The following FADS6 variants were observed in gnomAD, a reference collection of about 807,000 sequenced individuals.
The protein encoded by FADS6 is fatty acid desaturase 6.
Under a neutral mutation model 31.7 loss-of-function variants are expected in FADS6, and 28 were observed. The ratio of observed to expected loss-of-function variants is 0.88; its 90% CI spans 0.66 to 1.21. FADS6 has a LOEUF of 1.21. Ranked by LOEUF, FADS6 falls within the 50% of genes most tolerant of loss-of-function variation. The pLI is 0.00. For missense variants in FADS6, 494 were observed against 504.2 expected (o/e 0.98, Z 0.19); for synonymous variants, 191 against 213.1 (o/e 0.90, Z 0.90).
chr17:74,881,236 C>G lies in FADS6; in HGVS notation c.612G>C (p.Glu204Asp). The G allele has an allele frequency of 6.3e-7, 1 of 1,599,438 alleles. No homozygotes were observed. Among genetic ancestry groups the G allele is most frequent in the Non-Finnish European group, 8.5e-7 (1 of 1,173,542 alleles). Residue 204 changes from glutamate (E) to aspartate (D), a missense_variant, in exon 4 of 6, where the codon GAG becomes GAC. Physicochemically the swap from Glu to Asp is conservative, Grantham distance 45 (BLOSUM62 2). This residue lies in a region of FADS6 where 454 missense variants were observed against 438.5 expected (regional missense o/e 1.04). Transcript: ENST00000612771. ...LVAVERLRKV[E>D]LGTALRTLAL... is the part of the protein sequence containing the mutation. ...CCAGCGTCCGCAGGGCTGTCCCGAG[C>G]TCCACCTTCCTCAGCCGCTCTGCCA...
downstream of FADS6, among the ~76,000 whole-genome samples, chr17:74,876,658 A>C (rs918291548): frequency 1.3e-5 from 2 of 152,150 alleles, no homozygotes; most frequent in African/African-American, 4.8e-5. Context: ...TTAGCCAGGC[A>C]TGGTGGCAGG....
chr17:74,877,951 C>G lies in FADS6; in HGVS notation c.*380G>C. On this transcript the variant is annotated 3_prime_UTR_variant, in exon 6 of 6. Coordinates refer to ENST00000612771, the MANE Select transcript of FADS6 (RefSeq NM_178128.6). ...GGGAGCTGACCCTGTTCTCTCTGTGCCCCCTGCTATCTCCCAGGTGGCCCC... is the reference window on the plus strand; with the variant it reads ...GGGAGCTGACCCTGTTCTCTCTGTGGCCCCTGCTATCTCCCAGGTGGCCCC... The G allele has an allele frequency of 2.0e-6, 2 of 1,006,068 alleles. No individual in the cohort carries two copies. The highest frequency in any genetic ancestry group is 2.4e-6 in the Non-Finnish European group (2 of 843,790). The allele number at this position is 1,006,068 out of a possible 1,614,324, so 62.3% of individuals were successfully genotyped here.
chr17:74,893,493 G>A lies in FADS6; in HGVS notation c.103C>T (p.Arg35Trp), dbSNP rs1244933354. 23 of 1,488,098 alleles carry A rather than the reference G, an allele frequency of 1.5e-5. No homozygotes were observed. The highest frequency in any genetic ancestry group is 2.0e-5 in the Non-Finnish European group (23 of 1,122,304). 92.2% of individuals were successfully genotyped at this position (1,488,098 alleles called of 1,614,324 possible). Residue 35 changes from arginine to tryptophan, a missense_variant, in exon 1 of 6, where the codon CGG (arginine) becomes TGG (tryptophan). Transcript: ENST00000612771. ...GCCTCGCCCCCACGGTGCGCGCTCC[G>A]CGCCGGTTCCATGGGCTCCGTAGGT... ...MEPTEPMEPA[R>W]SAHRGGEALL...
intron 2 of FADS6, among the ~76,000 whole-genome samples, chr17:74,891,281 A>G (rs1301098308): frequency 6.6e-6 from 1 of 151,590 alleles, no homozygotes. Flanking sequence ...CAGGCGATCC[A>G]CCTGCCTCGG....
intron 1 of FADS6, 126 bp downstream of exon 1, chr17:74,893,226 C>T (rs1481830424): frequency 1.8e-6 from 2 of 1,122,384 alleles, no homozygotes; most frequent in Non-Finnish European, 2.4e-6. Flanking sequence ...CGCCTCCCTG[C>T]CGCCGCCAGT....
chr17:74,886,074 C>T (rs1316073632), intron 2 of FADS6, among the ~76,000 whole-genome samples: 6 of 151,942 alleles, frequency 3.9e-5, no homozygotes, highest in Non-Finnish European at 8.8e-5. Context: ...CCCGTTTCTA[C>T]TAAAAATACA....
Position 74,877,658 on chromosome 17 carries a change from CTG to C in FADS6, c.*671_*672del. The C allele has an allele frequency of 2.0e-6, 2 of 981,548 alleles. No homozygotes were observed. Among genetic ancestry groups the C allele is most frequent in the South Asian group, 9.4e-5 (2 of 21,220 alleles). 60.8% of individuals were successfully genotyped at this position (981,548 alleles called of 1,614,324 possible). ...GGCTATTTATACTCTTTCCCTAACTCTGTCCCTGGGGAACCTTCTCCCCTCAC... is the reference window on the plus strand; with the variant it reads ...GGCTATTTATACTCTTTCCCTAACTCTCCCTGGGGAACCTTCTCCCCTCAC... On this transcript the variant is annotated 3_prime_UTR_variant, in exon 6 of 6. Transcript: ENST00000612771.
downstream of FADS6, among the ~76,000 whole-genome samples, chr17:74,874,922 T>G (rs370804932): frequency 4.6e-5 from 7 of 152,154 alleles, no homozygotes; most frequent in East Asian, 3.8e-4. Context: ...CCCCAGATAT[T>G]TACTATCTGG....
rs1182463437 is a variant in FADS6 at position 74,878,452 on chromosome 17, A to G, written c.986T>C (p.Leu329Pro). ...LKVKPVVSQF[L>P]REKQLPYNED... ...GTTGTACGGTAGCTGCTTCTCACGT[A>G]GGAACTGGGACACCACGGGCTTCAC... The change falls in exon 6 of 6, where the codon CTA (leucine) becomes CCA (proline). Residue 329 changes from leucine to proline, a missense_variant. Transcript: ENST00000612771. The G allele has an allele frequency of 6.2e-7, 1 of 1,614,034 alleles. No homozygotes were observed. Among genetic ancestry groups the G allele is most frequent in the South Asian group, 1.1e-5 (1 of 91,086 alleles).
chr17:74,879,636 C>G, intron 4 of FADS6, 53 bp from the exon 5 acceptor site: 3 of 1,557,030 alleles, frequency 1.9e-6, no homozygotes, highest in Non-Finnish European at 2.6e-6. Flanking sequence ...CCACCCCACT[C>G]CAGGTGTCCT....
At chr17:74,881,614 C>T (rs1268276111) in intron 3 of FADS6, among the ~76,000 whole-genome samples, 1 of 151,928 alleles carries the variant, frequency 6.6e-6, no homozygotes, top group Admixed American at 6.6e-5. Flanking sequence ...GCCTCCCAAG[C>T]TCGGGTGATC....
chr17:74,891,381 CCT>C (rs2038687267), intron 2 of FADS6, among the ~76,000 whole-genome samples: 1 of 151,986 alleles, frequency 6.6e-6, no homozygotes, highest in Non-Finnish European at 1.5e-5. Flanking sequence ...TCATTCTGCC[CCT>C]GTGACCCAGC....
intron 5 of FADS6, chr17:74,879,038 C>CTT (rs35990330): frequency 0.041 from 5,277 of 129,756 alleles, 470 homozygotes; most frequent in African/African-American, 0.15. Context: ...CCCTCACCAC[C>CTT]TTTTTTTTTT....
intron 4 of FADS6, among the ~76,000 whole-genome samples, chr17:74,880,231 G>A (rs557532361): frequency 4.6e-5 from 7 of 152,210 alleles, no homozygotes; most frequent in Admixed American, 3.3e-4. Flanking sequence ...GAGGAATTCC[G>A]TCTCCAGTTC....
chr17:74,892,793 G>T lies in FADS6; in HGVS notation c.245-104C>A, dbSNP rs1385973721. 2.6e-6 allele frequency: 3 copies of T among 1,168,892 alleles called. No individual in the cohort carries two copies. The South Asian group carries it at 4.8e-5, about 19-fold the overall frequency. The allele number at this position is 1,168,892 out of a possible 1,614,324, so 72.4% of individuals were successfully genotyped here. A position where few individuals can be genotyped will look rare whatever the true frequency, so the allele number is the denominator to read the frequency against. On this transcript the variant is annotated intron_variant, in intron 1 of 5. Coordinates refer to ENST00000612771, the MANE Select transcript of FADS6 (RefSeq NM_178128.6). ...GGGAGCCCAGGCTAAAGTGGGCTAGGCTCTGGGGGCTGCCACTGGCCGGAG... is the reference window on the plus strand; with the variant it reads ...GGGAGCCCAGGCTAAAGTGGGCTAGTCTCTGGGGGCTGCCACTGGCCGGAG...
chr17:74,887,516 G>C (rs1018566665), intron 2 of FADS6, among the ~76,000 whole-genome samples: 3 of 152,194 alleles, frequency 2.0e-5, no homozygotes, highest in Non-Finnish European at 4.4e-5. Context: ...TCACCTACCA[G>C]CTGGCGTGGC....
chr17:74,879,963 T>TATTA (rs571474836), intron 4 of FADS6, among the ~76,000 whole-genome samples: 63 of 152,298 alleles, frequency 4.1e-4, no homozygotes, highest in African/African-American at 1.4e-3. Context: ...TCAAGTTTAA[T>TATTA]AGGCAGTGTC....
intron 2 of FADS6, among the ~76,000 whole-genome samples, chr17:74,890,362 T>A (rs932171290): frequency 6.6e-6 from 1 of 152,088 alleles, no homozygotes; most frequent in Admixed American, 6.6e-5. Flanking sequence ...TCCCCCACAC[T>A]TGGAACTGGA....
Position 74,882,242 on chromosome 17 carries a change from A to G in FADS6, c.592+288T>C, listed in dbSNP as rs953692232. Among the ~76,000 whole-genome samples the G allele has an allele frequency of 3.3e-5, 5 of 152,190 alleles. No homozygotes were observed. The East Asian group carries it at 9.6e-4, about 29-fold the overall frequency. On this transcript the variant is annotated intron_variant, in intron 3 of 5. Transcript: ENST00000612771. Reference sequence around the variant, plus strand: ...TCAGCCACCACACGCAGACCCTGCAAAACATTTTTATACTTAGGACCTCAT... The same window carrying G: ...TCAGCCACCACACGCAGACCCTGCAGAACATTTTTATACTTAGGACCTCAT...
Sources: allele counts gnomAD v4.1 joint callset (sites outside exome capture counted in the v4.1 genomes callset), GRCh38; gene constraint gnomAD v4.1.1; regional missense constraint gnomAD v4.1.1; transcripts MANE v1.5; gene names NCBI Gene and HGNC (gene_info 2026-07-23, HGNC 2026-07-21).